The following MKKS variants were observed in gnomAD, a reference collection of about 807,000 sequenced individuals.
MKKS encodes the protein MKKS centrosomal shuttling protein, also known as molecular chaperone MKKS.
A neutral mutation model predicts 33.2 loss-of-function variants in MKKS; 29 were observed. That is an observed-to-expected ratio of 0.87 (90% CI 0.65 to 1.19). MKKS has a LOEUF of 1.19. MKKS is among the 50% of genes most tolerant of loss of function. The pLI is 0.00. For missense variants in MKKS, 661 were observed against 662.3 expected (o/e 1.00, Z 0.02); for synonymous variants, 260 against 244.0 (o/e 1.07, Z -0.61).
Position 10,413,519 on chromosome 20 carries a change from C to T in MKKS, c.-5G>A. On this transcript the variant is annotated 5_prime_UTR_variant, in exon 3 of 6. Coordinates refer to ENST00000347364, the MANE Select transcript of MKKS (RefSeq NM_170784.3). ...CTTAGCTTCCAAACGAGACATCTTA[C>T]TTCAGGTGGTAACTAGTGAAGACCG... is the stretch of plus-strand genomic sequence containing the variant. The T allele has an allele frequency of 6.2e-7, 1 of 1,614,166 alleles. No individual in the cohort carries two copies. The highest frequency in any genetic ancestry group is 8.5e-7 in the Non-Finnish European group (1 of 1,180,016).
At chr20:10,425,032 A>T (rs1429816631) in intron 1 of MKKS, among the ~76,000 whole-genome samples, 2 of 151,276 alleles carry the variant, frequency 1.3e-5, no homozygotes, top group African/African-American at 4.9e-5. Context: ...CCACCTAGGC[A>T]ACAAGAGCTA....
intron 1 of MKKS, among the ~76,000 whole-genome samples, chr20:10,425,089 C>T (rs1175017384): frequency 6.6e-6 from 1 of 151,542 alleles, no homozygotes; most frequent in East Asian, 1.9e-4. Flanking sequence ...ATTAGCATTA[C>T]TGTTCTTTTC....
At chr20:10,429,488 A>C (rs1012616353) in intron 1 of MKKS, among the ~76,000 whole-genome samples, 1 of 152,110 alleles carries the variant, frequency 6.6e-6, no homozygotes, top group African/African-American at 2.4e-5. Flanking sequence ...GCTACTGTAC[A>C]CCTTTGAACT....
chr20:10,406,419 A>T (rs1439503843), intron 5 of MKKS, among the ~76,000 whole-genome samples: 1 of 152,178 alleles, frequency 6.6e-6, no homozygotes, highest in East Asian at 1.9e-4. Context: ...ATATGTTTAG[A>T]TACATAAATA....
At chr20:10,419,904 A>C (rs2064967525) in intron 2 of MKKS, among the ~76,000 whole-genome samples, 1 of 152,224 alleles carries the variant, frequency 6.6e-6, no homozygotes. Context: ...CAGGTAACTG[A>C]AACTGCAGAA....
At chr20:10,432,780 ACT>A (rs2065062828) in intron 1 of MKKS, among the ~76,000 whole-genome samples, 1 of 89,490 alleles carries the variant, frequency 1.1e-5, no homozygotes, top group Non-Finnish European at 2.3e-5. Flanking sequence ...ACAGAGCGAG[ACT>A]CTTTGTCAAA....
rs1326455029 is a variant in MKKS at position 10,401,126 on chromosome 20, G to A, written c.*4121C>T. The A allele has an allele frequency of 1.3e-5, 2 of 152,138 alleles. No homozygotes were observed. The highest frequency in any genetic ancestry group is 4.8e-5 in the African/African-American group (2 of 41,436). 9.4% of individuals were successfully genotyped at this position (152,138 alleles called of 1,614,324 possible). ...TTCACACTTCATTACAGGTAATATA[G>A]TATTCTATGGATTTTAGTGCGCCAA... is the stretch of plus-strand genomic sequence containing the variant. On this transcript the variant is annotated 3_prime_UTR_variant, in exon 6 of 6. Transcript: ENST00000347364.
chr20:10,420,441 C>T (rs1432114754), intron 2 of MKKS, 87 bp downstream of exon 2: 1 of 152,156 alleles, frequency 6.6e-6, no homozygotes, highest in African/African-American at 2.4e-5. Flanking sequence ...CCAATTTAGG[C>T]TTTTCCTTGC....
chr20:10,426,143 A>G (rs2065012952), intron 1 of MKKS, among the ~76,000 whole-genome samples: 1 of 152,228 alleles, frequency 6.6e-6, no homozygotes, highest in East Asian at 1.9e-4. Flanking sequence ...AGATCATTTT[A>G]TAAATGAAGA....
chr20:10,408,990 A>ACAAAT (rs1273556866), intron 3 of MKKS, among the ~76,000 whole-genome samples, 187 bp from the exon 4 acceptor site: 2 of 152,240 alleles, frequency 1.3e-5, no homozygotes, highest in Non-Finnish European at 2.9e-5. Context: ...AAAATGATAT[A>ACAAAT]CAAATAAAGT....
intron 5 of MKKS, among the ~76,000 whole-genome samples, chr20:10,406,799 G>A (rs1460000109): frequency 1.3e-5 from 2 of 152,244 alleles, no homozygotes; most frequent in East Asian, 3.9e-4. Flanking sequence ...AGCACCAATA[G>A]ATTGGCACAA....
chr20:10,410,925 G>A (rs931263492), intron 3 of MKKS, among the ~76,000 whole-genome samples: 8 of 151,698 alleles, frequency 5.3e-5, no homozygotes, highest in African/African-American at 1.9e-4. Context: ...CCATGTTTAG[G>A]TATATATTAT....
At chr20:10,429,078 A>T (rs946807805) in intron 1 of MKKS, among the ~76,000 whole-genome samples, 1 of 152,102 alleles carries the variant, frequency 6.6e-6, no homozygotes, top group African/African-American at 2.4e-5. Flanking sequence ...GCCCTTTACC[A>T]TCTTCCTTCC....
At chr20:10,422,958 G>A (rs994857253) in intron 1 of MKKS, among the ~76,000 whole-genome samples, 1 of 152,034 alleles carries the variant, frequency 6.6e-6, no homozygotes, top group Non-Finnish European at 1.5e-5. Flanking sequence ...CGATCCGCTC[G>A]CCTCGGCCTC....
chr20:10,405,372 CTTCATG>C lies in MKKS; in HGVS notation c.1582_1587del (p.His528_Glu529del), dbSNP rs2122219438. ...GTCAGGTTGCTGGCTGAGCCCACAG[CTTCATG>C]TGGAAGGCAGCTTTGTGGCACAAAT... On this transcript the variant is annotated inframe_deletion, in exon 6 of 6. Coordinates refer to ENST00000347364, the MANE Select transcript of MKKS (RefSeq NM_170784.3). 1 of 1,614,228 alleles carries C rather than the reference CTTCATG, an allele frequency of 6.2e-7. No homozygotes were observed. The highest frequency in any genetic ancestry group is 1.1e-5 in the South Asian group (1 of 91,084).
At chr20:10,434,028 G>A (rs931519618) in intron 1 of MKKS, 80 bp downstream of exon 1, 2 of 152,378 alleles carry the variant, frequency 1.3e-5, no homozygotes, top group African/African-American at 2.4e-5. Flanking sequence ...GGGTGGAGAG[G>A]GAGGCGCCTA....
chr20:10,405,130 C>T lies in MKKS; in HGVS notation c.*117G>A. On this transcript the variant is annotated 3_prime_UTR_variant, in exon 6 of 6. Coordinates refer to ENST00000347364, the MANE Select transcript of MKKS (RefSeq NM_170784.3). ...TAAGTGTATCTATAATTTTATGAGT[C>T]ATTTGTCCAAATATGTAGAACAGGG... is the stretch of plus-strand genomic sequence containing the variant. 1 of 770,296 alleles carries T rather than the reference C, an allele frequency of 1.3e-6. No individual in the cohort carries two copies. The allele number at this position is 770,296 out of a possible 1,614,324, so 47.7% of individuals were successfully genotyped here.
At position 10,404,224 on chromosome 20, in the gene MKKS, T is replaced by C. The variant is rs2064825891; in HGVS notation, c.*1023A>G. ...AACATGGGAGATTTTCTACTTTCTT[T>C]TTCATACTATTGACTAGAGAAATAA... is the stretch of plus-strand genomic sequence containing the variant. On this transcript the variant is annotated 3_prime_UTR_variant, in exon 6 of 6. Transcript: ENST00000347364. 1 of 151,678 alleles carries C rather than the reference T, an allele frequency of 6.6e-6. No individual in the cohort carries two copies. The highest frequency in any genetic ancestry group is 2.1e-4 in the South Asian group (1 of 4,776). The allele number at this position is 151,678 out of a possible 1,614,324, so 9.4% of individuals were successfully genotyped here.
At chr20:10,409,977 C>CAAAAAAAAAAAAA (rs58776463) in intron 3 of MKKS, among the ~76,000 whole-genome samples, 1 of 54,230 alleles carries the variant, frequency 1.8e-5, no homozygotes, top group Non-Finnish European at 3.0e-5. Context: ...GACTTTGTCT[C>CAAAAAAAAAAAAA]AAAAAAAAAA....
Sources: gnomAD v4.1 joint callset for allele counts (sites outside exome capture counted in the v4.1 genomes callset) on GRCh38, gnomAD v4.1.1 for gene constraint, MANE v1.5 for transcripts, NCBI Gene and HGNC (gene_info 2026-07-23, HGNC 2026-07-21) for gene names.